SEMA4B: variants seen among roughly 807,000 people sequenced by gnomAD.
The protein encoded by SEMA4B is semaphorin 4B, also known as semaphorin-4B.
SEMA4B carries 55 observed loss-of-function variants against 88.1 expected under a neutral mutation model. The ratio of observed to expected loss-of-function variants is 0.62; its 90% CI spans 0.50 to 0.78. The LOEUF is 0.78. SEMA4B is among the 30% of genes least tolerant of loss of function. SEMA4B has a pLI of 0.00. For synonymous variants in SEMA4B, 525 were observed against 473.6 expected (o/e 1.11, Z -1.41); for missense variants, 1,062 against 1,111.9 (o/e 0.96, Z 0.64).
Position 90,229,254 on chromosome 15 carries a change from G to A in SEMA4B, c.*611G>A, listed in dbSNP as rs201836969. The stretch of plus-strand genomic sequence containing the variant: ...AGGTTGGCACTGCGGCCCTCACCAG[G>A]TCCTGGGCTCGGACCCAACTCCTGG... On this transcript the variant is annotated 3_prime_UTR_variant, in exon 14 of 14. Coordinates refer to ENST00000411539, the MANE Select transcript of SEMA4B (RefSeq NM_198925.4). 185 of 455,128 alleles carry A rather than the reference G, an allele frequency of 4.1e-4. 1 individual carries two copies. The highest frequency in any genetic ancestry group is 6.1e-4 in the Non-Finnish European group (137 of 226,010). 28.2% of individuals were successfully genotyped at this position (455,128 alleles called of 1,614,324 possible).
intron 4 of SEMA4B, among the ~76,000 whole-genome samples, chr15:90,220,616 G>A (rs1012534961): frequency 1.3e-5 from 2 of 151,666 alleles, no homozygotes; most frequent in African/African-American, 2.4e-5. Context: ...TGATCCACCC[G>A]CCTCGGCCTC....
chr15:90,185,122 C>T (rs916316475), intron 1 of SEMA4B: 16 of 949,744 alleles, frequency 1.7e-5, no homozygotes, highest in African/African-American at 1.1e-4. Flanking sequence ...AGCCGCTGCC[C>T]GGGAGGTGGC....
chr15:90,197,953 G>A (rs1263285079), upstream of SEMA4B, among the ~76,000 whole-genome samples: 1 of 148,276 alleles, frequency 6.7e-6, no homozygotes, highest in East Asian at 2.0e-4. Context: ...TTGAGATGGA[G>A]TCTCGCTCTG....
intron 7 of SEMA4B, among the ~76,000 whole-genome samples, chr15:90,222,239 CA>C (rs199808006): frequency 7.9e-5 from 9 of 113,928 alleles, no homozygotes; most frequent in African/African-American, 1.8e-4. Flanking sequence ...TGCACCCAGC[CA>C]TTTTTTTTCT....
chr15:90,196,280 C>G (rs1349746887), intron 1 of SEMA4B, among the ~76,000 whole-genome samples: 3 of 151,916 alleles, frequency 2.0e-5, no homozygotes, highest in Non-Finnish European at 4.4e-5. Flanking sequence ...GTCAAATAGT[C>G]CCATTACTAT....
chr15:90,201,882 C>G (rs111814413), intron 1 of SEMA4B, 147 bp downstream of exon 1: 20 of 782,522 alleles, frequency 2.6e-5, no homozygotes, highest in African/African-American at 2.2e-4. Context: ...TTTCAAGGCG[C>G]TGCGCGGAGG....
At chr15:90,195,323 C>T (rs1960466398) in intron 1 of SEMA4B, among the ~76,000 whole-genome samples, 1 of 152,056 alleles carries the variant, frequency 6.6e-6, no homozygotes, top group Non-Finnish European at 1.5e-5. Context: ...AACTTCTGGG[C>T]TCAAGTGATC....
At chr15:90,217,923 A>G in intron 3 of SEMA4B, 94 bp downstream of exon 3, 1 of 1,070,386 alleles carries the variant, frequency 9.3e-7, no homozygotes, top group Admixed American at 2.1e-5. Flanking sequence ...GAGCAGATAC[A>G]GCCAGGTATG....
At chr15:90,193,614 C>T (rs1960411145) in intron 1 of SEMA4B, 1 of 152,174 alleles carries the variant, frequency 6.6e-6, no homozygotes, top group East Asian at 1.9e-4. Context: ...CTGAGATGAG[C>T]ACAGCAGTCA....
chr15:90,219,719 A>G (rs1437151033), intron 3 of SEMA4B, 74 bp from the exon 4 acceptor site: 23 of 1,141,180 alleles, frequency 2.0e-5, no homozygotes, highest in African/African-American at 3.1e-5. Context: ...TGGGTGTGGA[A>G]GGGGGGGCTC....
intron 1 of SEMA4B, among the ~76,000 whole-genome samples, chr15:90,202,937 C>G (rs1450758970): frequency 1.3e-5 from 2 of 152,216 alleles, no homozygotes; most frequent in African/African-American, 4.8e-5. Flanking sequence ...GAACCCCTGT[C>G]TGAAATACTG....
At position 90,219,866 on chromosome 15, in the gene SEMA4B, C is replaced by G; in HGVS notation, c.458C>G (p.Ala153Gly). The change falls in exon 4 of 14, where the codon GCC (alanine) becomes GGC (glycine). Residue 153 changes from alanine (A) to glycine (G), a missense_variant. Coordinates refer to ENST00000411539, the MANE Select transcript of SEMA4B (RefSeq NM_198925.4). Reference protein sequence around the residue: ...GSHLFTCGTAAFSPMCTYINM... With the variant: ...GSHLFTCGTAGFSPMCTYINM... ...CACCTGTTCACCTGTGGCACAGCAG[C>G]CTTCAGCCCCATGTGTACCTACATC... 1 of 1,613,308 alleles carries G rather than the reference C, an allele frequency of 6.2e-7. No homozygotes were observed.
intron 7 of SEMA4B, among the ~76,000 whole-genome samples, chr15:90,222,653 C>T (rs1455848550): frequency 6.6e-6 from 1 of 152,140 alleles, no homozygotes; most frequent in Non-Finnish European, 1.5e-5. Flanking sequence ...CTGGAGAGCA[C>T]AGACCCTGGA....
In SEMA4B at chr15:90,229,617, A is replaced by G. The variant is rs1273709025; in HGVS notation, c.*974A>G. 1.8e-5 allele frequency: 6 copies of G among 333,026 alleles called. No homozygotes were observed. Among genetic ancestry groups the G allele is most frequent in the Non-Finnish European group, 2.9e-5 (5 of 169,552 alleles). 20.6% of individuals were successfully genotyped at this position (333,026 alleles called of 1,614,324 possible). A position where few individuals can be genotyped will look rare whatever the true frequency, so the allele number is the denominator to read the frequency against. ...TTTTATACATTTTTTAATAAGATGCACTTTATGTCATTTTTTAATAAAGTC... is the reference window on the plus strand; with the variant it reads ...TTTTATACATTTTTTAATAAGATGCGCTTTATGTCATTTTTTAATAAAGTC... On this transcript the variant is annotated 3_prime_UTR_variant, in exon 14 of 14. Transcript: ENST00000411539.
At chr15:90,210,803 A>G (rs1961230416) in intron 1 of SEMA4B, among the ~76,000 whole-genome samples, 1 of 152,102 alleles carries the variant, frequency 6.6e-6, no homozygotes, top group African/African-American at 2.4e-5. Flanking sequence ...CAGGGCTGGC[A>G]CTGCTGAACG....
At chr15:90,227,843 G>T in intron 13 of SEMA4B, 61 bp from the exon 14 acceptor site, 1 of 1,599,340 alleles carries the variant, frequency 6.3e-7, no homozygotes, top group East Asian at 2.2e-5. Flanking sequence ...AGGGAGGCAG[G>T]GGAGCTTGGA....
intron 1 of SEMA4B, among the ~76,000 whole-genome samples, chr15:90,209,260 G>T (rs1464313976): frequency 6.6e-6 from 1 of 152,102 alleles, no homozygotes; most frequent in Admixed American, 6.6e-5. Flanking sequence ...TGGAAAAGAA[G>T]AGCACAAAGA....
At chr15:90,189,821 C>T (rs1456530841) in intron 1 of SEMA4B, among the ~76,000 whole-genome samples, 3 of 152,110 alleles carry the variant, frequency 2.0e-5, no homozygotes, top group Non-Finnish European at 2.9e-5. Context: ...TCATTCTTGG[C>T]GTTCACAGCT....
chr15:90,214,376 G>A (rs531125142), intron 1 of SEMA4B, among the ~76,000 whole-genome samples: 3 of 148,510 alleles, frequency 2.0e-5, no homozygotes, highest in African/African-American at 5.0e-5. Flanking sequence ...GGTGGCTCAC[G>A]CCTGTAATCC....
Sources: gnomAD v4.1 joint callset for allele counts (sites outside exome capture counted in the v4.1 genomes callset) on GRCh38, gnomAD v4.1.1 for gene constraint, MANE v1.5 for transcripts, NCBI Gene and HGNC (gene_info 2026-07-23, HGNC 2026-07-21) for gene names.